Variants in RAP1B observed in about 807,000 individuals in gnomAD.
The protein encoded by RAP1B is ras-related protein Rap-1b.
RAP1B carries 1 observed loss-of-function variant against 27.5 expected under a neutral mutation model. That is an observed-to-expected ratio of 0.04 (90% CI 0.01 to 0.17). The LOEUF is 0.17. Among genes scored for constraint, RAP1B ranks in the 10% least tolerant of loss-of-function variants. RAP1B has a pLI of 1.00. For missense variants in RAP1B, 84 were observed against 214.8 expected, an observed-to-expected ratio of 0.39 and a Z score of 3.81; for synonymous variants, 75 against 73.1, an observed-to-expected ratio of 1.03 and a Z score of -0.13.
chr12:68,659,132 T>C, intron 7 of RAP1B, 148 bp from the exon 8 acceptor site: 2 of 363,732 alleles, frequency 5.5e-6, no homozygotes, highest in Non-Finnish European at 1.1e-5. Context: ...CCGTGAATTG[T>C]GGTATGTTGC....
chr12:68,637,677 A>G (rs1210537214), intron 1 of RAP1B, among the ~76,000 whole-genome samples: 1 of 148,448 alleles, frequency 6.7e-6, no homozygotes, highest in African/African-American at 2.5e-5. Flanking sequence ...TAAATTACGT[A>G]GCTAGTTTTG....
chr12:68,636,224 T>C (rs1397119940), intron 1 of RAP1B, among the ~76,000 whole-genome samples: 1 of 152,210 alleles, frequency 6.6e-6, no homozygotes, highest in African/African-American at 2.4e-5. Flanking sequence ...AATTATGCTT[T>C]TTAAATGTTG....
intron 1 of RAP1B, among the ~76,000 whole-genome samples, chr12:68,643,210 A>G (rs1196334101): frequency 1.3e-5 from 2 of 152,154 alleles, no homozygotes; most frequent in Non-Finnish European, 2.9e-5. Context: ...GTATTCTAGT[A>G]TTACTTCCTA....
Position 68,610,899 on chromosome 12 carries a change from G to T in RAP1B, c.-171G>T. ...GAGGCTGAACGCCTGACGTCAAGGC[G>T]ACATCGCCAAACCTCGCCCAGATTC... On this transcript the variant is annotated 5_prime_UTR_variant, in exon 1 of 8. Coordinates refer to ENST00000250559, the MANE Select transcript of RAP1B (RefSeq NM_001010942.3). 3.4e-6 allele frequency: 1 copy of T among 295,534 alleles called. No homozygotes were observed. The highest frequency in any genetic ancestry group is 1.5e-4 in the South Asian group (1 of 6,854). The allele number at this position is 295,534 out of a possible 1,614,324, so 18.3% of individuals were successfully genotyped here.
At chr12:68,613,582 T>A (rs1318108345) in intron 1 of RAP1B, among the ~76,000 whole-genome samples, 1 of 152,206 alleles carries the variant, frequency 6.6e-6, no homozygotes, top group East Asian at 1.9e-4. Flanking sequence ...TATATTGTTT[T>A]GTATGCCTTA....
chr12:68,612,904 CAAT>C (rs1272810814), intron 1 of RAP1B, among the ~76,000 whole-genome samples: 4 of 152,056 alleles, frequency 2.6e-5, no homozygotes, highest in Non-Finnish European at 5.9e-5. Context: ...TTGACGTTGA[CAAT>C]AAATCGTGAA....
chr12:68,641,036 A>G (rs1283247668), intron 1 of RAP1B: 1 of 152,218 alleles, frequency 6.6e-6, no homozygotes, highest in East Asian at 1.9e-4. Flanking sequence ...TTTTTGAGAC[A>G]GGGTCTCACT....
At chr12:68,638,643 T>C (rs1341271190) in intron 1 of RAP1B, among the ~76,000 whole-genome samples, 1 of 152,170 alleles carries the variant, frequency 6.6e-6, no homozygotes, top group Non-Finnish European at 1.5e-5. Context: ...TATTTTTTTA[T>C]AGTAATTAAG....
At chr12:68,633,582 A>G (rs1872417182) in intron 1 of RAP1B, among the ~76,000 whole-genome samples, 1 of 152,130 alleles carries the variant, frequency 6.6e-6, no homozygotes, top group South Asian at 2.1e-4. Context: ...GTTAAAACTA[A>G]TATCTCGGCT....
intron 1 of RAP1B, chr12:68,642,856 A>G (rs1455612080): frequency 2.0e-6 from 2 of 985,940 alleles, no homozygotes; most frequent in East Asian, 4.8e-5. Flanking sequence ...GTGGATTCTC[A>G]GGTAAAGCAG....
intron 1 of RAP1B, among the ~76,000 whole-genome samples, chr12:68,640,830 A>C (rs970380809): frequency 5.3e-5 from 8 of 150,970 alleles, no homozygotes; most frequent in African/African-American, 2.0e-4. Context: ...ACATTTAGAC[A>C]AAAAAAAAGC....
chr12:68,641,439 CA>C (rs772978848), intron 1 of RAP1B, among the ~76,000 whole-genome samples: 1 of 152,168 alleles, frequency 6.6e-6, no homozygotes, highest in Non-Finnish European at 1.5e-5. Context: ...TAGAATTAAA[CA>C]GCTTTTTAAA....
At position 68,668,000 on chromosome 12, in the gene RAP1B, C is replaced by A. The variant is rs1335186244; in HGVS notation, c.*8751C>A. On this transcript the variant is annotated 3_prime_UTR_variant, in exon 8 of 8. Transcript: ENST00000250559. ...TAATTTTATTCCACCAATGCTTTCA[C>A]AGAGGATGTCACCAAAGAAAGAAGT... 1.3e-5 allele frequency: 2 copies of A among 152,170 alleles called. No individual in the cohort carries two copies. Among genetic ancestry groups the A allele is most frequent in the Non-Finnish European group, 1.5e-5 (1 of 68,034 alleles). The allele number at this position is 152,170 out of a possible 1,614,324, so 9.4% of individuals were successfully genotyped here.
intron 1 of RAP1B, among the ~76,000 whole-genome samples, chr12:68,635,048 G>T (rs568375196): frequency 6.6e-6 from 1 of 152,330 alleles, no homozygotes; most frequent in Admixed American, 6.5e-5. Context: ...TTTCTTGGCA[G>T]AATGAGTAAG....
chr12:68,622,160 T>A (rs950255701), intron 1 of RAP1B, among the ~76,000 whole-genome samples: 7 of 152,226 alleles, frequency 4.6e-5, no homozygotes, highest in Non-Finnish European at 1.0e-4. Flanking sequence ...ACCTTATCTT[T>A]ATGTAGAGAA....
intron 7 of RAP1B, 107 bp from the exon 8 acceptor site, chr12:68,659,173 G>T (rs952392629): frequency 5.7e-5 from 25 of 441,462 alleles, no homozygotes; most frequent in Non-Finnish European, 9.5e-5. Context: ...CAAGAGCCTA[G>T]ATTATATTCA....
intron 1 of RAP1B, among the ~76,000 whole-genome samples, chr12:68,611,275 G>C (rs1870555497): frequency 1.3e-5 from 2 of 150,218 alleles, no homozygotes; most frequent in Non-Finnish European, 3.0e-5. Flanking sequence ...CGCCGCCGCC[G>C]CGGGAGAACA....
At chr12:68,622,914 C>T (rs1871484196) in intron 1 of RAP1B, among the ~76,000 whole-genome samples, 1 of 152,174 alleles carries the variant, frequency 6.6e-6, no homozygotes, top group Non-Finnish European at 1.5e-5. Context: ...CTTGCCCAGG[C>T]TAGTCTGGAA....
At chr12:68,657,755 CACACACACACACACACACGT>C (rs1565675595) in intron 7 of RAP1B, 1 of 154,124 alleles carries the variant, frequency 6.5e-6, no homozygotes, top group African/African-American at 2.5e-5. Flanking sequence ...CACACACACA[CACACACACACACACACACGT>C]GCGCGCGTGC....
Sources: allele counts gnomAD v4.1 joint callset (sites outside exome capture counted in the v4.1 genomes callset), GRCh38; gene constraint gnomAD v4.1.1; transcripts MANE v1.5; gene names NCBI Gene and HGNC (gene_info 2026-07-23, HGNC 2026-07-21).